The following IRAG1 variants were observed in gnomAD, a reference collection of about 807,000 sequenced individuals.
IRAG1 encodes the protein inositol 1,4,5-triphosphate receptor associated 1.
Under a neutral mutation model 106.2 loss-of-function variants are expected in IRAG1, and 62 were observed. The observed-to-expected ratio is 0.58, with a 90% CI of 0.48 to 0.72. The LOEUF (loss-of-function observed/expected upper bound fraction) is 0.72. Ranked by LOEUF, IRAG1 falls within the 30% of genes least tolerant of loss-of-function variation. The pLI, the probability that IRAG1 is intolerant of heterozygous loss-of-function variation, is 0.00. For missense variants in IRAG1, 1,064 were observed against 1,140.7 expected (o/e 0.93, Z 0.97); for synonymous variants, 462 against 443.9 (o/e 1.04, Z -0.51).
chr11:10,603,218 G>A lies in IRAG1; in HGVS notation c.1777C>T (p.Arg593Trp), dbSNP rs557232549. ...TCCAGCAACTTCTGGTAGGTTTCCCGGTGCTCACAGTGGTGCCAGAGTGAA... is the reference window on the plus strand; with the variant it reads ...TCCAGCAACTTCTGGTAGGTTTCCCAGTGCTCACAGTGGTGCCAGAGTGAA... ...SASLWHHCEHRETYQKLLEDI... is the reference protein window; with the variant it reads ...SASLWHHCEHWETYQKLLEDI... Residue 593 changes from arginine to tryptophan, a missense_variant, in exon 14 of 21, where the codon CGG (arginine) becomes TGG (tryptophan). Coordinates refer to ENST00000423302, the MANE Select transcript of IRAG1 (RefSeq NM_130385.4). 64 of 1,613,362 alleles carry A rather than the reference G, an allele frequency of 4.0e-5. No individual in the cohort carries two copies. Among genetic ancestry groups the A allele is most frequent in the Non-Finnish European group, 4.7e-5 (56 of 1,179,722 alleles).
At chr11:10,618,765 A>G (rs1299382594) in intron 10 of IRAG1, among the ~76,000 whole-genome samples, 1 of 152,216 alleles carries the variant, frequency 6.6e-6, no homozygotes, top group Non-Finnish European at 1.5e-5. Flanking sequence ...AAATATTGTG[A>G]GTGAGAGTGA....
intron 1 of IRAG1, among the ~76,000 whole-genome samples, chr11:10,661,871 G>A (rs996843716): frequency 1.3e-5 from 2 of 152,144 alleles, no homozygotes; most frequent in East Asian, 3.9e-4. Context: ...TCTTGGGGAG[G>A]GGGGAGTATT....
At chr11:10,609,259 T>C (rs575688532) in intron 11 of IRAG1, among the ~76,000 whole-genome samples, 1 of 152,324 alleles carries the variant, frequency 6.6e-6, no homozygotes, top group African/African-American at 2.4e-5. Flanking sequence ...ACTTTACTCT[T>C]TCAAATCATT....
rs758770472 is a variant in IRAG1, at chr11:10,629,702, C to T, written c.410G>A (p.Gly137Glu). ...GTCATTCACCAGGTCAATGATGTGC[C>T]CCGCGGGGTCTGCAGAAGGAGGATG... ...TASLTSVDPA[G>E]HIIDLVNDQL... Residue 137 changes from glycine (G) to glutamate (E), a missense_variant, in exon 5 of 21, where the codon GGG (glycine) becomes GAG (glutamate). Transcript: ENST00000423302. 1.1e-5 allele frequency: 18 copies of T among 1,613,294 alleles called. No homozygotes were observed. The highest frequency in any genetic ancestry group is 1.5e-5 in the Non-Finnish European group (18 of 1,179,594).
At chr11:10,612,352 G>A (rs1315639972) in intron 10 of IRAG1, among the ~76,000 whole-genome samples, 2 of 152,132 alleles carry the variant, frequency 1.3e-5, no homozygotes, top group East Asian at 3.8e-4. Context: ...CTCACGTTTT[G>A]GACTATGAAC....
At chr11:10,644,486 G>A (rs577287207) in intron 2 of IRAG1, among the ~76,000 whole-genome samples, 17 of 152,320 alleles carry the variant, frequency 1.1e-4, no homozygotes, top group African/African-American at 4.1e-4. Context: ...CAAAATCCTC[G>A]ATGGGAGCAT....
chr11:10,687,755 CAGA>C (rs1255769549), intron 1 of IRAG1: 19 of 1,288,840 alleles, frequency 1.5e-5, no homozygotes, highest in Non-Finnish European at 1.8e-5. Context: ...AAACCCAGTG[CAGA>C]AGTCTTCTTG....
At chr11:10,642,619 T>C (rs949549494) in intron 2 of IRAG1, among the ~76,000 whole-genome samples, 26 of 152,200 alleles carry the variant, frequency 1.7e-4, no homozygotes, top group African/African-American at 6.0e-4. Context: ...CTTGGGCAAG[T>C]TACTAGTTAC....
chr11:10,590,287 G>C (rs534386111), intron 18 of IRAG1, among the ~76,000 whole-genome samples: 46 of 152,258 alleles, frequency 3.0e-4, no homozygotes, highest in Admixed American at 1.1e-3. Flanking sequence ...GACAGAGAGA[G>C]AGACCCCAAG....
At chr11:10,610,611 C>T (rs2134404936) in intron 10 of IRAG1, among the ~76,000 whole-genome samples, 1 of 152,296 alleles carries the variant, frequency 6.6e-6, no homozygotes, top group East Asian at 1.9e-4. Context: ...CACTGTGGCC[C>T]ATGGTCTCTA....
intron 3 of IRAG1, among the ~76,000 whole-genome samples, chr11:10,633,289 A>G (rs571998848): frequency 1.5e-4 from 23 of 152,138 alleles, no homozygotes; most frequent in South Asian, 2.1e-4. Flanking sequence ...GTTAGCCAGG[A>G]TGGTCTCGAT....
At chr11:10,644,614 A>C (rs951422486) in intron 2 of IRAG1, among the ~76,000 whole-genome samples, 1 of 152,116 alleles carries the variant, frequency 6.6e-6, no homozygotes, top group Non-Finnish European at 1.5e-5. Context: ...GCTATGTGTA[A>C]AGTGCCTAGA....
In IRAG1 at chr11:10,657,136, T is replaced by C. The variant is rs540573984; in HGVS notation, c.68-4954A>G. Among the ~76,000 whole-genome samples, 1 of 152,264 alleles carries C rather than the reference T, an allele frequency of 6.6e-6. No individual in the cohort carries two copies. The highest frequency in any genetic ancestry group is 2.1e-4 in the South Asian group (1 of 4,828). On this transcript the variant is annotated intron_variant, in intron 1 of 20. Coordinates refer to ENST00000423302, the MANE Select transcript of IRAG1 (RefSeq NM_130385.4). The surrounding 1 kb of genome is among the most constrained non-coding windows in gnomAD (Gnocchi z 4.1). ...TAGAGCCATCATCGGGACGCACGGT[T>C]CAGGAACAGAATTTACAGAGACTAT...
chr11:10,581,867 C>T lies in IRAG1; in HGVS notation c.2360G>A (p.Gly787Glu). ...ARMEEEAYSK[G>E]FQEGLKKTKE... ...TTGGGGTGGCTGAGGTCTGACTCAC[C>T]CCTTGCTGTAGGCTTCTTCCTCCAT... Residue 787 changes from glycine (G) to glutamate (E), a missense_variant and splice_region_variant, in exon 19 of 21, where the codon GGA becomes GAA. Gly to Glu is a moderately conservative substitution (Grantham distance 98). Coordinates refer to ENST00000423302, the MANE Select transcript of IRAG1 (RefSeq NM_130385.4). 3 of 1,613,542 alleles carry T rather than the reference C, an allele frequency of 1.9e-6. No individual in the cohort carries two copies. The highest frequency in any genetic ancestry group is 2.2e-5 in the South Asian group (2 of 91,052).
At position 10,591,580 on chromosome 11, in the gene IRAG1, A is replaced by C. The variant is rs1422721314; in HGVS notation, c.2208T>G (p.Pro736=). The change falls in exon 18 of 21, where the codon CCT becomes CCG. Residue 736 remains proline, a synonymous_variant. Coordinates refer to ENST00000423302, the MANE Select transcript of IRAG1 (RefSeq NM_130385.4). ...SESPNGKGSL[P]VTSALPALLE... The stretch of plus-strand genomic sequence containing the variant: ...AAAGTGCAGGCAGTGCTGAAGTGAC[A>C]GGTAGGCTGCCTTTCCCATTGGGTG... 6.3e-7 allele frequency: 1 copy of C among 1,598,504 alleles called. No individual in the cohort carries two copies. The highest frequency in any genetic ancestry group is 8.5e-7 in the Non-Finnish European group (1 of 1,172,572).
At chr11:10,581,568 C>A (rs981424875) in intron 19 of IRAG1, among the ~76,000 whole-genome samples, 1 of 152,050 alleles carries the variant, frequency 6.6e-6, no homozygotes, top group Non-Finnish European at 1.5e-5. Flanking sequence ...CAGGCACCAC[C>A]AAGAGGAACC....
intron 2 of IRAG1, among the ~76,000 whole-genome samples, chr11:10,638,750 T>G (rs1245174625): frequency 6.6e-6 from 1 of 152,136 alleles, no homozygotes; most frequent in Admixed American, 6.5e-5. Context: ...CATGCATTGA[T>G]GAGGATAAGC....
At chr11:10,643,089 G>T (rs1376413639) in intron 2 of IRAG1, among the ~76,000 whole-genome samples, 1 of 143,386 alleles carries the variant, frequency 7.0e-6, no homozygotes, top group Non-Finnish European at 1.5e-5. Context: ...GCGGGAGAAT[G>T]GCGTGAACCC....
intron 11 of IRAG1, among the ~76,000 whole-genome samples, chr11:10,609,029 T>C (rs914512243): frequency 6.6e-6 from 1 of 152,230 alleles, no homozygotes; most frequent in African/African-American, 2.4e-5. Flanking sequence ...TTCACTCTTT[T>C]GTATGTGGCT....
Sources: gnomAD v4.1 joint callset for allele counts (sites outside exome capture counted in the v4.1 genomes callset) on GRCh38, gnomAD v4.1.1 for gene constraint, Gnocchi (gnomAD v3.1) non-coding constraint, MANE v1.5 for transcripts, NCBI Gene and HGNC (gene_info 2026-07-23, HGNC 2026-07-21) for gene names.